Variants in ADAMTS20 observed in about 807,000 individuals in gnomAD.
The protein encoded by ADAMTS20 is ADAM metallopeptidase with thrombospondin type 1 motif 20, also known as A disintegrin and metalloproteinase with thrombospondin motifs 20.
Under a neutral mutation model 260.1 loss-of-function variants are expected in ADAMTS20, and 225 were observed. The ratio of observed to expected loss-of-function variants is 0.87; its 90% CI spans 0.78 to 0.97. The LOEUF (loss-of-function observed/expected upper bound fraction) is 0.97. ADAMTS20 is among the 50% of genes least tolerant of loss of function. The pLI is 0.00. For synonymous variants in ADAMTS20, 802 were observed against 769.5 expected (o/e 1.04, Z -0.70); for missense variants, 2,400 against 2,337.7 (o/e 1.03, Z -0.55).
intron 7 of ADAMTS20, among the ~76,000 whole-genome samples, chr12:43,481,399 A>G (rs187440344): frequency 6.6e-6 from 1 of 152,252 alleles, no homozygotes; most frequent in African/African-American, 2.4e-5. Context: ...CCTACAGCAA[A>G]TATTTTTCTT....
At chr12:43,412,348 T>C (rs1941047375) in intron 28 of ADAMTS20, among the ~76,000 whole-genome samples, 1 of 152,222 alleles carries the variant, frequency 6.6e-6, no homozygotes, top group African/African-American at 2.4e-5. Context: ...GGTGAAGTTT[T>C]ACAAAGTTGC....
At chr12:43,384,834 A>C (rs533611555) in intron 29 of ADAMTS20, among the ~76,000 whole-genome samples, 1 of 152,126 alleles carries the variant, frequency 6.6e-6, no homozygotes, top group South Asian at 2.1e-4. Context: ...TACGTGCTGC[A>C]TTTTCTTTAT....
chr12:43,418,539 G>GA (rs1941174133), intron 28 of ADAMTS20, among the ~76,000 whole-genome samples: 1 of 152,114 alleles, frequency 6.6e-6, no homozygotes, highest in African/African-American at 2.4e-5. Flanking sequence ...CAATCTTACT[G>GA]ACCTCGTGAT....
chr12:43,501,173 C>T (rs2137445160), intron 4 of ADAMTS20, among the ~76,000 whole-genome samples: 1 of 149,844 alleles, frequency 6.7e-6, no homozygotes, highest in East Asian at 2.1e-4. Context: ...ATTCTCCTGC[C>T]ACAGCCTCCC....
intron 3 of ADAMTS20, among the ~76,000 whole-genome samples, chr12:43,504,366 A>T (rs907651355): frequency 6.6e-6 from 1 of 152,172 alleles, no homozygotes. Context: ...TCTTCTTTTG[A>T]AAAGTGTCTA....
intron 7 of ADAMTS20, among the ~76,000 whole-genome samples, chr12:43,487,071 G>A (rs927178553): frequency 1.3e-5 from 2 of 152,104 alleles, no homozygotes; most frequent in South Asian, 4.1e-4. Flanking sequence ...TCCCACTACT[G>A]GGTATTTACC....
At chr12:43,431,557 C>T in intron 21 of ADAMTS20, 61 bp from the exon 22 acceptor site, 1 of 1,557,770 alleles carries the variant, frequency 6.4e-7, no homozygotes, top group Non-Finnish European at 8.8e-7. Flanking sequence ...ATGCCTTAAA[C>T]TGATGCAATG....
chr12:43,425,974 G>C (rs1941326141), intron 27 of ADAMTS20, among the ~76,000 whole-genome samples: 1 of 152,022 alleles, frequency 6.6e-6, no homozygotes, highest in South Asian at 2.1e-4. Context: ...ATTTCAGTAA[G>C]ATATCCAGGA....
chr12:43,529,179 G>A (rs1160999539), intron 3 of ADAMTS20, among the ~76,000 whole-genome samples: 1 of 152,076 alleles, frequency 6.6e-6, no homozygotes, highest in Non-Finnish European at 1.5e-5. Context: ...GTAGTGAAAG[G>A]GGAATGCTGA....
chr12:43,361,197 A>T (rs1939859862), intron 37 of ADAMTS20, among the ~76,000 whole-genome samples: 1 of 152,190 alleles, frequency 6.6e-6, no homozygotes. Context: ...AACACAGAGG[A>T]TTTGGGTTTG....
chr12:43,544,530 C>T (rs538313498), intron 2 of ADAMTS20, among the ~76,000 whole-genome samples: 2 of 152,116 alleles, frequency 1.3e-5, no homozygotes, highest in South Asian at 2.1e-4. Flanking sequence ...GTGCATAAAA[C>T]GTCAACTGGT....
intron 4 of ADAMTS20, among the ~76,000 whole-genome samples, chr12:43,499,486 ATT>A (rs71091160): frequency 0.14 from 17,339 of 125,974 alleles, 1,133 homozygotes; most frequent in African/African-American, 0.17. Context: ...GATGATACTG[ATT>A]TTTTTTTTTT....
intron 7 of ADAMTS20, among the ~76,000 whole-genome samples, chr12:43,473,025 A>G (rs1275212711): frequency 1.1e-5 from 1 of 88,010 alleles, no homozygotes; most frequent in African/African-American, 4.6e-5. Flanking sequence ...TTCTCCAATT[A>G]AAAGACACAG....
intron 3 of ADAMTS20, among the ~76,000 whole-genome samples, chr12:43,507,800 C>A (rs533884897): frequency 2.6e-5 from 4 of 152,238 alleles, no homozygotes; most frequent in African/African-American, 9.6e-5. Flanking sequence ...CCATGGAATT[C>A]TATGCAGCCA....
chr12:43,452,805 T>A (rs1941894980), intron 12 of ADAMTS20, 110 bp from the exon 13 acceptor site: 1 of 906,382 alleles, frequency 1.1e-6, no homozygotes, highest in Non-Finnish European at 1.6e-6. Flanking sequence ...GAAGTCCCAC[T>A]AACACTTTTT....
At chr12:43,359,025 A>T (rs1445169898) in intron 37 of ADAMTS20, among the ~76,000 whole-genome samples, 5 of 152,120 alleles carry the variant, frequency 3.3e-5, no homozygotes, top group Non-Finnish European at 7.4e-5. Flanking sequence ...AATTAGTTCA[A>T]CATACGAGGT....
At chr12:43,385,965 A>C (rs1940464342) in intron 29 of ADAMTS20, among the ~76,000 whole-genome samples, 1 of 152,050 alleles carries the variant, frequency 6.6e-6, no homozygotes, top group South Asian at 2.1e-4. Context: ...GTATTCTTTG[A>C]TGGTAGTTTG....
At chr12:43,525,848 C>T (rs573638263) in intron 3 of ADAMTS20, among the ~76,000 whole-genome samples, 10 of 152,222 alleles carry the variant, frequency 6.6e-5, no homozygotes, top group African/African-American at 2.4e-4. Context: ...AAATTAAATG[C>T]ACCTAACACT....
At chr12:43,370,150 C>T (rs1940075646) in intron 36 of ADAMTS20, among the ~76,000 whole-genome samples, 1 of 152,160 alleles carries the variant, frequency 6.6e-6, no homozygotes, top group African/African-American at 2.4e-5. Context: ...CCCAGGATGA[C>T]ATCAGTCCTT....
Sources: gnomAD v4.1 joint callset for allele counts (sites outside exome capture counted in the v4.1 genomes callset) on GRCh38, gnomAD v4.1.1 for gene constraint, MANE v1.5 for transcripts, NCBI Gene and HGNC (gene_info 2026-07-23, HGNC 2026-07-21) for gene names.